Variants in EFTUD2 observed in about 807,000 individuals in gnomAD.
The protein encoded by EFTUD2 is 116 kDa U5 small nuclear ribonucleoprotein component.
A neutral mutation model predicts 114.3 loss-of-function variants in EFTUD2; 9 were observed. The ratio of observed to expected loss-of-function variants is 0.08; its 90% CI spans 0.05 to 0.14. The LOEUF (loss-of-function observed/expected upper bound fraction) is 0.14. Among genes scored for constraint, EFTUD2 ranks in the 10% least tolerant of loss-of-function variants. The pLI is 1.00. For missense variants in EFTUD2, 765 were observed against 1,241.2 expected (o/e 0.62, Z 5.76); for synonymous variants, 449 against 462.3 (o/e 0.97, Z 0.37).
chr17:44,863,991 A>G lies in EFTUD2; in HGVS notation c.1286-209T>C, dbSNP rs1283922153. On this transcript the variant is annotated intron_variant, in intron 14 of 27. Transcript: ENST00000426333. Reference sequence around the variant, plus strand: ...GTCACCCTGATGCCAGAAAAGAGCAAGCAGCAGGTATCAGTGGTACATGGT... The same window carrying G: ...GTCACCCTGATGCCAGAAAAGAGCAGGCAGCAGGTATCAGTGGTACATGGT... The G allele has an allele frequency of 5.6e-6, 3 of 533,646 alleles. No homozygotes were observed. The African/African-American group carries it at 5.8e-5, about 10-fold the overall frequency. 33.1% of individuals were successfully genotyped at this position (533,646 alleles called of 1,614,324 possible).
At chr17:44,878,146 C>T (rs1316185991) in intron 9 of EFTUD2, among the ~76,000 whole-genome samples, 6 of 151,992 alleles carry the variant, frequency 3.9e-5, no homozygotes, top group Non-Finnish European at 7.4e-5. Flanking sequence ...AAAACCAAAA[C>T]AAAACAGAAG....
chr17:44,853,283 TG>T lies in EFTUD2; in HGVS notation c.2561+12del. 6.2e-7 allele frequency: 1 copy of T among 1,613,414 alleles called. No homozygotes were observed. Among genetic ancestry groups the T allele is most frequent in the South Asian group, 1.1e-5 (1 of 91,052 alleles). ...CTCTCAGCACTCTCCCTAATACGCC[TG>T]GGGCCGCTCACCTGCGCCTGGCCAG... On this transcript the variant is annotated intron_variant, in intron 25 of 27. Transcript: ENST00000426333.
At chr17:44,886,106 A>G (rs983024100) in intron 3 of EFTUD2, among the ~76,000 whole-genome samples, 16 of 152,286 alleles carry the variant, frequency 1.1e-4, no homozygotes, top group Admixed American at 1.0e-3. Context: ...GCATGGTGGC[A>G]GACACCTATA....
intron 20 of EFTUD2, among the ~76,000 whole-genome samples, chr17:44,855,974 A>C (rs2050544160): frequency 6.6e-6 from 1 of 151,062 alleles, no homozygotes; most frequent in Non-Finnish European, 1.5e-5. Flanking sequence ...AAAAAAAAGA[A>C]AAACAAACCC....
In EFTUD2 at chr17:44,851,629, G is replaced by A. The variant is rs183840463; in HGVS notation, c.2823+81C>T. On this transcript the variant is annotated intron_variant, in intron 27 of 27. Coordinates refer to ENST00000426333, the MANE Select transcript of EFTUD2 (RefSeq NM_004247.4). ...TGGAAAAGTGTCCCTTAGGAAAAGGGGCCAAAAGAAAGAGAGAGAGATCCT... is the reference window on the plus strand; with the variant it reads ...TGGAAAAGTGTCCCTTAGGAAAAGGAGCCAAAAGAAAGAGAGAGAGATCCT... The A allele has an allele frequency of 3.3e-3, 4,443 of 1,361,844 alleles. 15 individuals are homozygous for A. The highest frequency in any genetic ancestry group is 9.1e-3 in the South Asian group (628 of 68,970). The allele number at this position is 1,361,844 out of a possible 1,614,324, so 84.4% of individuals were successfully genotyped here.
intron 2 of EFTUD2, chr17:44,894,173 C>G (rs2051334512): frequency 2.5e-6 from 1 of 406,806 alleles, no homozygotes; most frequent in Non-Finnish European, 4.5e-6. Context: ...CTCAGGAGTT[C>G]AAGACCAGCC....
chr17:44,886,166 G>A (rs757209102), intron 3 of EFTUD2, among the ~76,000 whole-genome samples: 19 of 152,068 alleles, frequency 1.2e-4, no homozygotes, highest in Non-Finnish European at 2.4e-4. Flanking sequence ...TCAGGGAGGC[G>A]GAGGTTGCAG....
intron 5 of EFTUD2, 154 bp downstream of exon 5, chr17:44,883,495 T>C (rs1390982230): frequency 2.2e-5 from 16 of 732,402 alleles, no homozygotes; most frequent in Non-Finnish European, 3.5e-5. Context: ...AAGCCAGAAT[T>C]TCACAGTATG....
In EFTUD2 at chr17:44,863,638, G is replaced by A. The variant is rs762747375; in HGVS notation, c.1413+17C>T. The A allele has an allele frequency of 6.2e-7, 1 of 1,607,864 alleles. No individual in the cohort carries two copies. Among genetic ancestry groups the A allele is most frequent in the Non-Finnish European group, 8.5e-7 (1 of 1,176,410 alleles). ...GGGAAAAAAAGACCAGAGAACCGGGGAGCCACATGCCCTTACATCAGGGTC... is the reference window on the plus strand; with the variant it reads ...GGGAAAAAAAGACCAGAGAACCGGGAAGCCACATGCCCTTACATCAGGGTC... On this transcript the variant is annotated intron_variant, in intron 15 of 27. Transcript: ENST00000426333.
At chr17:44,881,386 T>C (rs1200265874) in intron 7 of EFTUD2, among the ~76,000 whole-genome samples, 1 of 152,248 alleles carries the variant, frequency 6.6e-6, no homozygotes, top group African/African-American at 2.4e-5. Flanking sequence ...GTTGAGCTTC[T>C]GCGTAACTTA....
intron 1 of EFTUD2, among the ~76,000 whole-genome samples, chr17:44,897,637 T>A (rs2051414504): frequency 6.6e-6 from 1 of 152,190 alleles, no homozygotes; most frequent in Admixed American, 6.5e-5. Flanking sequence ...CGATCTCGAC[T>A]CACTGCAACC....
intron 12 of EFTUD2, 112 bp downstream of exon 12, chr17:44,868,175 A>C: frequency 1.7e-6 from 1 of 578,894 alleles, no homozygotes; most frequent in East Asian, 5.7e-5. Context: ...GTTTACATTA[A>C]AAAAAAAAAA....
intron 1 of EFTUD2, among the ~76,000 whole-genome samples, chr17:44,898,507 A>G (rs1318996071): frequency 6.6e-6 from 1 of 152,222 alleles, no homozygotes; most frequent in Non-Finnish European, 1.5e-5. Flanking sequence ...GGCGTGAGCC[A>G]CCGCGCCCGG....
chr17:44,881,918 G>T, intron 6 of EFTUD2, 196 bp from the exon 7 acceptor site: 1 of 565,080 alleles, frequency 1.8e-6, no homozygotes, highest in South Asian at 2.1e-5. Context: ...TCCTGGGTGT[G>T]TGGAGGGATT....
chr17:44,874,240 T>C (rs2145510220), intron 10 of EFTUD2, among the ~76,000 whole-genome samples: 1 of 152,186 alleles, frequency 6.6e-6, no homozygotes, highest in East Asian at 1.9e-4. Flanking sequence ...ACACAGAGTC[T>C]AGCTATGTTG....
chr17:44,880,690 G>T, intron 7 of EFTUD2, 46 bp from the exon 8 acceptor site: 3 of 1,512,868 alleles, frequency 2.0e-6, no homozygotes, highest in Non-Finnish European at 2.7e-6. Context: ...ATGCAAGAGG[G>T]GTTCATTTTG....
At chr17:44,877,221 G>C (rs1038580102) in intron 9 of EFTUD2, among the ~76,000 whole-genome samples, 6 of 151,724 alleles carry the variant, frequency 4.0e-5, no homozygotes, top group African/African-American at 7.3e-5. Flanking sequence ...AAAAGCCAGA[G>C]CTCCTTGAAG....
In EFTUD2 at chr17:44,883,135, A is replaced by C. The variant is rs368997855; in HGVS notation, c.450T>G (p.Ile150Met). Residue 150 changes from isoleucine to methionine, a missense_variant, in exon 6 of 28, where the codon ATT (isoleucine) becomes ATG (methionine). Ile to Met is a conservative substitution (Grantham distance 10). Transcript: ENST00000426333. ...TTCTGATTTCCGGGTGAGTCTGTTCAATTAAACAATCCACAAAACATGTCT... is the reference window on the plus strand; with the variant it reads ...TTCTGATTTCCGGGTGAGTCTGTTCCATTAAACAATCCACAAAACATGTCT... The part of the protein sequence containing the change: ...HGKTCFVDCL[I>M]EQTHPEIRKR... The C allele has an allele frequency of 1.2e-4, 190 of 1,614,052 alleles. 1 individual carries two copies. The highest frequency in any genetic ancestry group is 1.6e-4 in the Non-Finnish European group (184 of 1,180,026).
chr17:44,870,409 G>A (rs2050826548), intron 11 of EFTUD2, among the ~76,000 whole-genome samples: 1 of 152,122 alleles, frequency 6.6e-6, no homozygotes, highest in African/African-American at 2.4e-5. Flanking sequence ...GGAAATAACT[G>A]ATATATACAT....
Sources: allele counts gnomAD v4.1 joint callset (sites outside exome capture counted in the v4.1 genomes callset), GRCh38; gene constraint gnomAD v4.1.1; transcripts MANE v1.5; gene names NCBI Gene and HGNC (gene_info 2026-07-23, HGNC 2026-07-21).